TOX3: variants seen among roughly 807,000 people sequenced by gnomAD.
The protein encoded by TOX3 is CAG trinucleotide repeat-containing gene F9 protein.
Under a neutral mutation model 64.3 loss-of-function variants are expected in TOX3, and 22 were observed. The observed-to-expected ratio is 0.34, with a 90% CI of 0.24 to 0.49. TOX3 has a LOEUF of 0.49. Ranked by LOEUF, TOX3 falls within the 20% of genes least tolerant of loss-of-function variation. The pLI, the probability that TOX3 is intolerant of heterozygous loss-of-function variation, is 0.99. For missense variants in TOX3, 661 were observed against 714.4 expected (o/e 0.93, Z 0.85); for synonymous variants, 291 against 273.6 (o/e 1.06, Z -0.63).
chr16:52,500,649 T>A (rs1961976836), intron 1 of TOX3, among the ~76,000 whole-genome samples: 1 of 152,250 alleles, frequency 6.6e-6, no homozygotes, highest in Admixed American at 6.5e-5. Context: ...ATCTTAATTA[T>A]AACAGTTAAC....
intron 3 of TOX3, among the ~76,000 whole-genome samples, chr16:52,455,333 C>G (rs1960482912): frequency 6.6e-6 from 1 of 152,026 alleles, no homozygotes; most frequent in Admixed American, 6.6e-5. Flanking sequence ...GAATATTTAG[C>G]AGCATCTCTG....
intron 1 of TOX3, among the ~76,000 whole-genome samples, chr16:52,508,479 C>T (rs1962219177): frequency 6.6e-6 from 1 of 152,216 alleles, no homozygotes; most frequent in African/African-American, 2.4e-5. Flanking sequence ...AAGAAAGACA[C>T]CTGCATCCAC....
At chr16:52,477,072 A>C (rs1265508472) in intron 1 of TOX3, among the ~76,000 whole-genome samples, 5 of 152,210 alleles carry the variant, frequency 3.3e-5, no homozygotes, top group Non-Finnish European at 1.5e-5. Flanking sequence ...TGATCCCATC[A>C]TCTAGGTACT....
At position 52,509,792 on chromosome 16, in the gene TOX3, C is replaced by T. The variant is rs1186788759; in HGVS notation, c.87+36845G>A. Among the ~76,000 whole-genome samples, 5 of 152,280 alleles carry T rather than the reference C, an allele frequency of 3.3e-5. No individual in the cohort carries two copies. In the South Asian group the frequency reaches 8.3e-4, roughly 25 times the overall value. On this transcript the variant is annotated intron_variant, in intron 1 of 6. Coordinates refer to ENST00000219746, the MANE Select transcript of TOX3 (RefSeq NM_001080430.4). ...CTAGGTATTGGTTAAAACAAACAGG[C>T]TTACAGCATACCAACTTATTAAACA...
chr16:52,519,660 A>C lies in TOX3; in HGVS notation c.87+26977T>G, dbSNP rs979286448. 5.3e-6 allele frequency: 7 copies of C among 1,311,930 alleles called. No homozygotes were observed. In the Admixed American group the frequency reaches 1.8e-4, roughly 33 times the overall value. 81.3% of individuals were successfully genotyped at this position (1,311,930 alleles called of 1,614,324 possible). On this transcript the variant is annotated intron_variant, in intron 1 of 6. Transcript: ENST00000219746. The stretch of plus-strand genomic sequence containing the variant: ...GAGAAGACATCACTTCTTACCAAGC[A>C]AGAAGTAGTAGAATGGGCTGGGCGC...
At chr16:52,474,352 C>G (rs1394924186) in intron 1 of TOX3, among the ~76,000 whole-genome samples, 1 of 152,156 alleles carries the variant, frequency 6.6e-6, no homozygotes, top group Non-Finnish European at 1.5e-5. Flanking sequence ...CAGCAAGTCC[C>G]TCTGGTTCTA....
chr16:52,479,198 G>C (rs1030951211), intron 1 of TOX3, among the ~76,000 whole-genome samples: 1 of 152,078 alleles, frequency 6.6e-6, no homozygotes, highest in Admixed American at 6.6e-5. Flanking sequence ...GATCTCACCT[G>C]TAAGACAAAA....
intron 1 of TOX3, among the ~76,000 whole-genome samples, chr16:52,494,991 G>A (rs1961801901): frequency 6.6e-6 from 1 of 152,156 alleles, no homozygotes; most frequent in Non-Finnish European, 1.5e-5. Flanking sequence ...CCTGAAACAG[G>A]CTTACTACCT....
intron 1 of TOX3, among the ~76,000 whole-genome samples, chr16:52,529,859 A>G (rs1276611052): frequency 5.9e-5 from 9 of 152,234 alleles, no homozygotes; most frequent in Admixed American, 1.3e-4. Context: ...AATGATGTTC[A>G]CGAAACTATT....
At chr16:52,463,337 C>T (rs1321562492) in intron 3 of TOX3, among the ~76,000 whole-genome samples, 1 of 152,116 alleles carries the variant, frequency 6.6e-6, no homozygotes. Flanking sequence ...AAAATAGAAC[C>T]AAAATTATTG....
intron 1 of TOX3, among the ~76,000 whole-genome samples, chr16:52,542,740 C>G: frequency 6.6e-6 from 1 of 152,146 alleles, no homozygotes; most frequent in East Asian, 1.9e-4. Flanking sequence ...ACGTGAAGAC[C>G]TGTCGTGATA....
Position 52,527,225 on chromosome 16 carries a change from A to G in TOX3, c.87+19412T>C, listed in dbSNP as rs556763479. Among the ~76,000 whole-genome samples the G allele has an allele frequency of 3.4e-5, 5 of 147,048 alleles. No individual in the cohort carries two copies. In the South Asian group the frequency reaches 8.8e-4, roughly 26 times the overall value. ...AAAAGCTAGCAGGTATACTAGAACCAAACACACAAAATAATGAGCCAGAGT... is the reference window on the plus strand; with the variant it reads ...AAAAGCTAGCAGGTATACTAGAACCGAACACACAAAATAATGAGCCAGAGT... On this transcript the variant is annotated intron_variant, in intron 1 of 6. Transcript: ENST00000219746.
rs1380864513 is a variant in TOX3, at chr16:52,436,992, G to C, written c.*2233C>G. 6.6e-6 allele frequency: 1 copy of C among 152,216 alleles called. No homozygotes were observed. Among genetic ancestry groups the C allele is most frequent in the Non-Finnish European group, 1.5e-5 (1 of 68,032 alleles). The allele number at this position is 152,216 out of a possible 1,614,324, so 9.4% of individuals were successfully genotyped here. On this transcript the variant is annotated 3_prime_UTR_variant, in exon 7 of 7. Transcript: ENST00000219746. Reference sequence around the variant, plus strand: ...AAATGGTTATTGTTATGTAATGTTAGTTTCAATTCACAGAAAATCTTTTAC... The same window carrying C: ...AAATGGTTATTGTTATGTAATGTTACTTTCAATTCACAGAAAATCTTTTAC...
intron 3 of TOX3, among the ~76,000 whole-genome samples, chr16:52,457,717 A>T (rs936159021): frequency 4.6e-5 from 7 of 152,226 alleles, no homozygotes; most frequent in African/African-American, 1.2e-4. Flanking sequence ...TCAAATAGTT[A>T]TGCATAGCTA....
chr16:52,519,401 C>T, intron 1 of TOX3: 1 of 1,551,316 alleles, frequency 6.4e-7, no homozygotes, highest in Non-Finnish European at 8.7e-7. Flanking sequence ...AAGATTAGGT[C>T]TTACTTTCAG....
At chr16:52,527,253 G>A (rs1962746370) in intron 1 of TOX3, among the ~76,000 whole-genome samples, 1 of 152,202 alleles carries the variant, frequency 6.6e-6, no homozygotes, top group Non-Finnish European at 1.5e-5. Flanking sequence ...GCCAGAGTGT[G>A]CTCCCACAAT....
chr16:52,543,884 T>C (rs911900703), intron 1 of TOX3, among the ~76,000 whole-genome samples: 1 of 152,162 alleles, frequency 6.6e-6, no homozygotes, highest in Non-Finnish European at 1.5e-5. Flanking sequence ...CACATGCATA[T>C]AATTGATACA....
intron 1 of TOX3, among the ~76,000 whole-genome samples, chr16:52,470,387 T>A (rs1961008361): frequency 6.6e-6 from 1 of 152,198 alleles, no homozygotes. Context: ...ATGTAGGTTT[T>A]GTTGGGGAAT....
intron 1 of TOX3, among the ~76,000 whole-genome samples, chr16:52,529,312 G>T (rs1342245339): frequency 6.6e-6 from 1 of 152,074 alleles, no homozygotes; most frequent in Non-Finnish European, 1.5e-5. Context: ...AAGAAGAAGA[G>T]ATAAGAGCTT....
Sources: allele counts gnomAD v4.1 joint callset (sites outside exome capture counted in the v4.1 genomes callset), GRCh38; gene constraint gnomAD v4.1.1; transcripts MANE v1.5; gene names NCBI Gene and HGNC (gene_info 2026-07-23, HGNC 2026-07-21).